Variants in NFATC2 observed in about 807,000 individuals in gnomAD.
NFATC2 encodes the protein nuclear factor of activated T cells 2, also known as nuclear factor of activated T-cells, cytoplasmic 2.
Under a neutral mutation model 87.3 loss-of-function variants are expected in NFATC2, and 22 were observed. The observed-to-expected ratio is 0.25, with a 90% CI of 0.18 to 0.36. NFATC2 has a LOEUF of 0.36. NFATC2 is among the 10% of genes least tolerant of loss of function. The pLI is 1.00. For missense variants in NFATC2, 1,149 were observed against 1,259.1 expected, an observed-to-expected ratio of 0.91 and a Z score of 1.32; for synonymous variants, 565 against 542.2, an observed-to-expected ratio of 1.04 and a Z score of -0.58.
At chr20:51,476,163 G>T (rs1315161080) in intron 3 of NFATC2, among the ~76,000 whole-genome samples, 2 of 149,958 alleles carry the variant, frequency 1.3e-5, no homozygotes. Context: ...TGCCATGTTG[G>T]TGTGCTGCAC....
At chr20:51,444,836 G>A (rs1984842665) in intron 6 of NFATC2, among the ~76,000 whole-genome samples, 1 of 152,096 alleles carries the variant, frequency 6.6e-6, no homozygotes, top group Non-Finnish European at 1.5e-5. Context: ...GGGTGGGGGA[G>A]ATTCAGGAAT....
At chr20:51,470,096 G>A (rs1988062521) in intron 5 of NFATC2, among the ~76,000 whole-genome samples, 1 of 152,166 alleles carries the variant, frequency 6.6e-6, no homozygotes, top group African/African-American at 2.4e-5. Flanking sequence ...GAGAAGGGAG[G>A]GCAGGCCCTT....
chr20:51,401,512 G>C (rs1988042946), intron 9 of NFATC2, among the ~76,000 whole-genome samples: 1 of 152,186 alleles, frequency 6.6e-6, no homozygotes, highest in Non-Finnish European at 1.5e-5. Flanking sequence ...TGGGAGGTAA[G>C]TCCATTGATC....
At chr20:51,529,723 ATACTTCTAG>A (rs1475020865) in intron 1 of NFATC2, among the ~76,000 whole-genome samples, 1 of 152,198 alleles carries the variant, frequency 6.6e-6, no homozygotes, top group Non-Finnish European at 1.5e-5. Context: ...TATTTACTTA[ATACTTCTAG>A]TATTTAAATT....
At chr20:51,558,212 C>T (rs966885953) in intron 1 of NFATC2, among the ~76,000 whole-genome samples, 20 of 152,108 alleles carry the variant, frequency 1.3e-4, no homozygotes, top group African/African-American at 4.8e-4. Context: ...TATGGTGGTG[C>T]ACCCCTCCAG....
chr20:51,507,548 A>G (rs1054819210), intron 3 of NFATC2, among the ~76,000 whole-genome samples: 1 of 152,252 alleles, frequency 6.6e-6, no homozygotes, highest in African/African-American at 2.4e-5. Flanking sequence ...ACTTTTGTTT[A>G]GCATCCTAAC....
At chr20:51,397,844 G>A (rs769145640) in intron 10 of NFATC2, among the ~76,000 whole-genome samples, 4 of 152,162 alleles carry the variant, frequency 2.6e-5, no homozygotes, top group Non-Finnish European at 5.9e-5. Flanking sequence ...GGTTTATTCC[G>A]ATTAGAATAT....
chr20:51,444,022 G>A (rs1262273005), intron 6 of NFATC2, among the ~76,000 whole-genome samples: 7 of 151,986 alleles, frequency 4.6e-5, no homozygotes. Flanking sequence ...TCACTTCATT[G>A]CCCAGGCAGG....
intron 5 of NFATC2, among the ~76,000 whole-genome samples, chr20:51,469,002 C>T (rs930586035): frequency 2.0e-5 from 3 of 150,806 alleles, no homozygotes; most frequent in Non-Finnish European, 4.4e-5. Flanking sequence ...TCAGAGTCTC[C>T]AGGATGGGAC....
At chr20:51,440,675 A>C (rs1378940663) in intron 6 of NFATC2, among the ~76,000 whole-genome samples, 1 of 152,222 alleles carries the variant, frequency 6.6e-6, no homozygotes, top group Non-Finnish European at 1.5e-5. Context: ...AAGGGCAGCC[A>C]AGGAATCTGG....
chr20:51,550,087 T>C (rs574962875), intron 1 of NFATC2, among the ~76,000 whole-genome samples: 1 of 152,284 alleles, frequency 6.6e-6, no homozygotes, highest in East Asian at 1.9e-4. Context: ...CTCACGTCTA[T>C]AATCCCAGCA....
rs77723846 is a variant in NFATC2, at chr20:51,408,893, G to A, written c.2723-10163C>T. Among the ~76,000 whole-genome samples the A allele has an allele frequency of 6.3e-3, 954 of 152,290 alleles. 11 individuals are homozygous for A. The highest frequency in any genetic ancestry group is 0.022 in the African/African-American group (919 of 41,542). ...GCAGAGTTTCTAATTCAGCAGGACT[G>A]GGGTGGAGGTGGGAATTTGCATTTC... On this transcript the variant is annotated intron_variant, in intron 9 of 10. Transcript: ENST00000371564.
Position 51,480,432 on chromosome 20 carries a change from A to C in NFATC2, c.1333-4772T>G, listed in dbSNP as rs1600834447. 6.6e-6 allele frequency among the ~76,000 whole-genome samples: 1 copy of C among 151,698 alleles called. No individual in the cohort carries two copies. ...AAAACGGTAGTTCCTTGAGAGAAAA[A>C]CCTCTTTAGGAAAGCCAAGAATGGC... On this transcript the variant is annotated intron_variant, in intron 3 of 10. Transcript: ENST00000371564. This position sits in a 1 kb window ranked among gnomAD's most constrained non-coding sequence, Gnocchi z 4.2.
At chr20:51,535,636 C>T (rs2076707749) in intron 1 of NFATC2, among the ~76,000 whole-genome samples, 1 of 152,222 alleles carries the variant, frequency 6.6e-6, no homozygotes, top group East Asian at 1.9e-4. Flanking sequence ...GAGGTGATGT[C>T]ACCCATTGTG....
chr20:51,540,664 T>G (rs2076799515), intron 1 of NFATC2, among the ~76,000 whole-genome samples: 1 of 113,100 alleles, frequency 8.8e-6, no homozygotes, highest in Non-Finnish European at 1.9e-5. Flanking sequence ...TTTTGTTTTT[T>G]TTTTTTTGAG....
intron 2 of NFATC2, among the ~76,000 whole-genome samples, chr20:51,520,041 T>C (rs1312417642): frequency 6.6e-6 from 1 of 152,194 alleles, no homozygotes; most frequent in Non-Finnish European, 1.5e-5. Flanking sequence ...GAGACTTCCC[T>C]GATGCCCCAT....
chr20:51,536,330 T>A (rs562479166), intron 1 of NFATC2, among the ~76,000 whole-genome samples: 33 of 152,290 alleles, frequency 2.2e-4, no homozygotes, highest in South Asian at 2.1e-3. Context: ...ATAGTGCTGA[T>A]GGCAGGGACC....
intron 2 of NFATC2, among the ~76,000 whole-genome samples, chr20:51,520,892 C>T (rs981483841): frequency 6.6e-6 from 1 of 152,006 alleles, no homozygotes; most frequent in Non-Finnish European, 1.5e-5. Flanking sequence ...ACTCCGACCT[C>T]AGGTGATCCG....
intron 3 of NFATC2, among the ~76,000 whole-genome samples, chr20:51,489,031 C>A (rs1260254579): frequency 2.6e-5 from 4 of 152,134 alleles, no homozygotes; most frequent in African/African-American, 9.7e-5. Context: ...CTCTACTAAA[C>A]ATACAAAAAT....
Sources: gnomAD v4.1 joint callset for allele counts (sites outside exome capture counted in the v4.1 genomes callset) on GRCh38, gnomAD v4.1.1 for gene constraint, Gnocchi (gnomAD v3.1) non-coding constraint, MANE v1.5 for transcripts, NCBI Gene and HGNC (gene_info 2026-07-23, HGNC 2026-07-21) for gene names.